Variants in TREH observed in about 807,000 individuals in gnomAD.
TREH encodes the protein trehalase.
Under a neutral mutation model 80.5 loss-of-function variants are expected in TREH, and 69 were observed. That is an observed-to-expected ratio of 0.86 (90% CI 0.71 to 1.05). The LOEUF is 1.05. Ranked by LOEUF, TREH falls within the 50% of genes least tolerant of loss-of-function variation. The probability of loss-of-function intolerance (pLI) is 0.00; values close to 1 mark genes in which losing one functional copy is unlikely to be tolerated. For synonymous variants in TREH, 309 were observed against 293.5 expected (o/e 1.05, Z -0.54); for missense variants, 716 against 718.8 (o/e 1.00, Z 0.04).
chr11:118,667,580 T>C (rs1197706462), intron 1 of TREH, among the ~76,000 whole-genome samples: 1 of 152,208 alleles, frequency 6.6e-6, no homozygotes, highest in Non-Finnish European at 1.5e-5. Flanking sequence ...AGCCCCATAC[T>C]GAGACAAGGA....
chr11:118,658,589 A>G (rs1388350974), intron 14 of TREH, 91 bp downstream of exon 14: 5 of 1,527,426 alleles, frequency 3.3e-6, no homozygotes, highest in Non-Finnish European at 4.4e-6. Flanking sequence ...GCCCACATGC[A>G]GGTGAGCACA....
rs1301571558 is a variant in TREH at position 118,674,656 on chromosome 11, C to T, written c.89+4883G>A. Among the ~76,000 whole-genome samples, 1 of 152,178 alleles carries T rather than the reference C, an allele frequency of 6.6e-6. No homozygotes were observed. Among genetic ancestry groups the T allele is most frequent in the African/African-American group, 2.4e-5 (1 of 41,434 alleles). On this transcript the variant is annotated intron_variant, in intron 1 of 14. Transcript: ENST00000264029. This position sits in a 1 kb window ranked among gnomAD's most constrained non-coding sequence, Gnocchi z 4.4. ...CTCCTGGGTTCAAGTGATTCTCCTG[C>T]CTCAGCCTCCTGAGTAGATGGGATT...
chr11:118,658,981 A>C lies in TREH; in HGVS notation c.1469T>G (p.Val490Gly). Residue 490 changes from valine to glycine, a missense_variant, in exon 13 of 15, where the codon GTG (valine) becomes GGG (glycine). Coordinates refer to ENST00000264029, the MANE Select transcript of TREH (RefSeq NM_007180.3). ...CCAATTCTGAGCCAGCTGGAAAGCC[A>C]CTTCCTGGGCCCGACGTAAAGGTGC... is the stretch of plus-strand genomic sequence containing the variant. ...AKAPLRRAQE[V>G]AFQLAQNWIR... is the part of the protein sequence containing the mutation. 4 of 1,613,876 alleles carry C rather than the reference A, an allele frequency of 2.5e-6. No homozygotes were observed. In the South Asian group the frequency reaches 3.3e-5, roughly 13 times the overall value.
chr11:118,672,928 A>T (rs1237143349), intron 1 of TREH, among the ~76,000 whole-genome samples: 1 of 152,046 alleles, frequency 6.6e-6, no homozygotes, highest in Non-Finnish European at 1.5e-5. Flanking sequence ...AAAAAAGAAA[A>T]TGGTATAGTC....
chr11:118,659,117 C>T (rs1949271437), intron 12 of TREH, 100 bp from the exon 13 acceptor site: 2 of 1,279,046 alleles, frequency 1.6e-6, no homozygotes, highest in Non-Finnish European at 2.2e-6. Context: ...GAGGCCTGGG[C>T]CCTAAGACTT....
At chr11:118,663,271 G>A in intron 2 of TREH, 68 bp downstream of exon 2, 1 of 1,563,672 alleles carries the variant, frequency 6.4e-7, no homozygotes, top group Non-Finnish European at 8.7e-7. Flanking sequence ...CTCTCTACTT[G>A]GTCTTGCCCC....
At chr11:118,671,192 A>T (rs762914119) in intron 1 of TREH, among the ~76,000 whole-genome samples, 5 of 152,214 alleles carry the variant, frequency 3.3e-5, no homozygotes, top group Non-Finnish European at 5.9e-5. Flanking sequence ...GTGAAGGCAC[A>T]ACCTGCCCCA....
Position 118,658,990 on chromosome 11 carries a change from GC to G in TREH, c.1459del (p.Ala487ProfsTer58), listed in dbSNP as rs782647214. 2 of 1,613,726 alleles carry G rather than the reference GC, an allele frequency of 1.2e-6. No homozygotes were observed. The highest frequency in any genetic ancestry group is 1.3e-5 in the African/African-American group (1 of 74,912). ...RGLAKAPLRR[A>X]QEVAFQLAQN... ...AGCCAGCTGGAAAGCCACTTCCTGG[GC>G]CCGACGTAAAGGTGCCTTGGCCAGG... On this transcript the variant is annotated frameshift_variant, in exon 13 of 15. Transcript: ENST00000264029. LOFTEE classifies it high-confidence loss of function.
intron 4 of TREH, chr11:118,662,654 G>A (rs1949336603): frequency 1.8e-6 from 1 of 548,608 alleles, no homozygotes; most frequent in Non-Finnish European, 3.2e-6. Flanking sequence ...GGTTTCCTGG[G>A]GAGGCTAGGG....
chr11:118,659,474 C>T lies in TREH; in HGVS notation c.1328G>A (p.Arg443Gln), dbSNP rs782267995. The change falls in exon 12 of 15, where the codon CGG (arginine) becomes CAG (glutamine). Residue 443 changes from arginine (R) to glutamine (Q), a missense_variant. Arg to Gln is a conservative substitution (Grantham distance 43). Transcript: ENST00000264029. ...DKALKYLEDN[R>Q]ILTYQYGIPT... The stretch of plus-strand genomic sequence containing the variant: ...GATCCCATACTGGTAAGTCAGGATC[C>T]GGTTGTCCTAGAAGGTCCCAGACAT... 1.7e-5 allele frequency: 27 copies of T among 1,592,958 alleles called. No homozygotes were observed. Among genetic ancestry groups the T allele is most frequent in the Middle Eastern group, 3.4e-4 (2 of 5,946 alleles).
intron 1 of TREH, among the ~76,000 whole-genome samples, chr11:118,676,940 A>G (rs1555146930): frequency 5.3e-5 from 8 of 152,146 alleles, no homozygotes. Flanking sequence ...TGGCTTATAC[A>G]TGAAAGGATT....
rs80101212 is a variant in TREH at position 118,660,374 on chromosome 11, T to C, written c.1102+165A>G. ...GAGGATTAGGGTTGGCTCCGTTTGT[T>C]CTCTTGTCTGGTACGCAAATGTGAG... On this transcript the variant is annotated intron_variant, in intron 10 of 14. Coordinates refer to ENST00000264029, the MANE Select transcript of TREH (RefSeq NM_007180.3). Among the ~76,000 whole-genome samples the C allele has an allele frequency of 1.0e-2, 1,515 of 152,206 alleles. 19 individuals are homozygous for C. Among genetic ancestry groups the C allele is most frequent in the African/African-American group, 0.034 (1,428 of 41,510 alleles).
At chr11:118,663,913 G>A (rs551068179) in intron 1 of TREH, among the ~76,000 whole-genome samples, 67 of 152,244 alleles carry the variant, frequency 4.4e-4, no homozygotes, top group African/African-American at 1.4e-3. Flanking sequence ...CTGGCTCTTG[G>A]GTGTTTCCTG....
In TREH at chr11:118,661,482, G is replaced by A. The variant is rs781966736; in HGVS notation, c.645C>T (p.Arg215=). The change falls in exon 7 of 15, where the codon CGC becomes CGT. Residue 215 remains arginine (R), a synonymous_variant. Transcript: ENST00000264029. This position sits in a 1 kb window ranked among gnomAD's most constrained non-coding sequence, Gnocchi z 4.2. ...KTYGHVPNGG[R]VYYLQRSQPP... The stretch of plus-strand genomic sequence containing the variant: ...GCTGGCTCCGCTGCAGGTAGTACAC[G>A]CGCCCACCATTGGGGACATGCCCAT... 2.0e-5 allele frequency: 32 copies of A among 1,613,608 alleles called. No homozygotes were observed. The highest frequency in any genetic ancestry group is 1.8e-4 in the East Asian group (8 of 44,876).
chr11:118,664,980 G>A (rs1273841310), intron 1 of TREH, among the ~76,000 whole-genome samples: 3 of 152,060 alleles, frequency 2.0e-5, no homozygotes, highest in Non-Finnish European at 2.9e-5. Context: ...GTGGTGGCAC[G>A]TGCCTGTGAT....
intron 12 of TREH, 70 bp downstream of exon 12, chr11:118,659,295 GCCTCC>G: frequency 7.9e-7 from 1 of 1,270,814 alleles, no homozygotes; most frequent in Non-Finnish European, 1.1e-6. Context: ...TTTTGTTCAT[GCCTCC>G]CCAGCACCAG....
intron 4 of TREH, 133 bp downstream of exon 4, chr11:118,662,748 G>T: frequency 1.0e-6 from 1 of 983,748 alleles, no homozygotes; most frequent in Non-Finnish European, 1.5e-6. Flanking sequence ...CTCTATTTGG[G>T]GACCCAGGGG....
At chr11:118,658,846 T>G in intron 13 of TREH, 59 bp downstream of exon 13, 1 of 1,608,044 alleles carries the variant, frequency 6.2e-7, no homozygotes, top group Admixed American at 1.7e-5. Flanking sequence ...GCCCCTGCAG[T>G]GCTCAGGAGT....
rs1426401169 is a variant in TREH, at chr11:118,661,801, T to C, written c.525-72A>G. The C allele has an allele frequency of 4.4e-6, 7 of 1,603,506 alleles. No homozygotes were observed. The highest frequency in any genetic ancestry group is 6.0e-6 in the Non-Finnish European group (7 of 1,171,894). ...CTGCACACCAGCCAGTGGGGCACTC[T>C]GCCCTGCTGAAGACACCCTGCTGGC... On this transcript the variant is annotated intron_variant, in intron 5 of 14. Coordinates refer to ENST00000264029, the MANE Select transcript of TREH (RefSeq NM_007180.3). The surrounding 1 kb of genome is among the most constrained non-coding windows in gnomAD (Gnocchi z 4.2).
Sources: gnomAD v4.1 joint callset for allele counts (sites outside exome capture counted in the v4.1 genomes callset) on GRCh38, gnomAD v4.1.1 for gene constraint, Gnocchi (gnomAD v3.1) non-coding constraint, MANE v1.5 for transcripts, NCBI Gene and HGNC (gene_info 2026-07-23, HGNC 2026-07-21) for gene names.